The following EIF3G variants were observed in gnomAD, a reference collection of about 807,000 sequenced individuals.
EIF3G encodes eukaryotic translation initiation factor 3 subunit G, also known as eukaryotic translation initiation factor 3 RNA-binding subunit.
EIF3G carries 10 observed loss-of-function variants against 41.7 expected under a neutral mutation model. That is an observed-to-expected ratio of 0.24 (90% confidence interval 0.15 to 0.41). EIF3G has a LOEUF of 0.41. Among genes scored for constraint, EIF3G ranks in the 10% least tolerant of loss-of-function variants. The pLI is 1.00. For missense variants in EIF3G, 297 were observed against 444.0 expected (o/e 0.67, Z 2.98); for synonymous variants, 204 against 172.5 (o/e 1.18, Z -1.43).
rs541892591 is a variant in EIF3G, at chr19:10,116,555, A to G, written c.595+245T>C. 9.3e-4 allele frequency: 494 copies of G among 529,206 alleles called. 1 individual carries two copies. Among genetic ancestry groups the G allele is most frequent in the African/African-American group, 8.2e-3 (437 of 53,006 alleles). The allele number at this position is 529,206 out of a possible 1,614,324, so 32.8% of individuals were successfully genotyped here. A position where few individuals can be genotyped will look rare whatever the true frequency, so the allele number is the denominator to read the frequency against. ...TGGGGTGGTCAGCACCCTGGGGCCG[A>G]CAGACAGCAGCTCATCAGGACAGTC... is the stretch of plus-strand genomic sequence containing the variant. On this transcript the variant is annotated intron_variant, in intron 7 of 10. Transcript: ENST00000253108. This position sits in a 1 kb window ranked among gnomAD's most constrained non-coding sequence, Gnocchi z 4.1.
chr19:10,119,576 G>A (rs1435241790), intron 2 of EIF3G, 78 bp downstream of exon 2: 1 of 1,510,534 alleles, frequency 6.6e-7, no homozygotes, highest in South Asian at 1.3e-5. Context: ...CACGGTGCCA[G>A]ACTGGGAGAT....
In EIF3G at chr19:10,117,090, G is replaced by C; in HGVS notation, c.399C>G (p.Ser133Arg). Residue 133 changes from serine (S) to arginine (R), a missense_variant, in exon 6 of 11, where the codon AGC becomes AGG. Coordinates refer to ENST00000253108, the MANE Select transcript of EIF3G (RefSeq NM_003755.5). ...SDDVSMTFIT[S>R]KEDLNCQEEE... ...ACCTGATTGCCCCGCTTACCTCTTT[G>C]CTGGTGATGAACGTCATAGAGACAT... 6.2e-7 allele frequency: 1 copy of C among 1,613,396 alleles called. No individual in the cohort carries two copies. Among genetic ancestry groups the C allele is most frequent in the South Asian group, 1.1e-5 (1 of 91,006 alleles).
At chr19:10,118,991 C>T (rs746901060) in intron 3 of EIF3G, 35 bp from the exon 4 acceptor site, 2 of 1,613,752 alleles carry the variant, frequency 1.2e-6, no homozygotes, top group African/African-American at 1.3e-5. Context: ...AAGACTGAGC[C>T]CTGGGTCATG....
At position 10,116,549 on chromosome 19, in the gene EIF3G, G is replaced by A. The variant is rs1244319609; in HGVS notation, c.595+251C>T. On this transcript the variant is annotated intron_variant, in intron 7 of 10. Coordinates refer to ENST00000253108, the MANE Select transcript of EIF3G (RefSeq NM_003755.5). This position sits in a 1 kb window ranked among gnomAD's most constrained non-coding sequence, Gnocchi z 4.1. ...ACGATGTGGGGTGGTCAGCACCCTG[G>A]GGCCGACAGACAGCAGCTCATCAGG... is the stretch of plus-strand genomic sequence containing the variant. 1.5e-5 allele frequency: 8 copies of A among 522,686 alleles called. No homozygotes were observed. Among genetic ancestry groups the A allele is most frequent in the African/African-American group, 1.5e-4 (8 of 52,748 alleles). The allele number at this position is 522,686 out of a possible 1,614,324, so 32.4% of individuals were successfully genotyped here. A position where few individuals can be genotyped will look rare whatever the true frequency, so the allele number is the denominator to read the frequency against.
chr19:10,118,051 C>G (rs2089274356), intron 5 of EIF3G: 1 of 152,400 alleles, frequency 6.6e-6, no homozygotes, highest in African/African-American at 2.4e-5. Context: ...GACACTGTGT[C>G]TTTAAAAAAA....
chr19:10,118,034 A>G (rs899387540), intron 5 of EIF3G: 2 of 152,536 alleles, frequency 1.3e-5, no homozygotes, highest in South Asian at 4.1e-4. Flanking sequence ...CCTGGGCAAC[A>G]GAACTGGACA....
chr19:10,115,274 G>A (rs2089221873), intron 10 of EIF3G, 145 bp from the exon 11 acceptor site: 2 of 1,208,074 alleles, frequency 1.7e-6, no homozygotes, highest in Admixed American at 2.5e-5. Flanking sequence ...CCAGTCTCCA[G>A]GCCTGGTCCA....
chr19:10,115,018 G>A lies in EIF3G; in HGVS notation c.*96C>T, dbSNP rs1168667766. 1.3e-6 allele frequency: 2 copies of A among 1,563,812 alleles called. No homozygotes were observed. The highest frequency in any genetic ancestry group is 1.7e-6 in the Non-Finnish European group (2 of 1,144,436). ...GCAAGAACAAAAAGAACCAAGTAGA[G>A]AGAGTGGAGCTGCTTTATTGCCCTT... On this transcript the variant is annotated 3_prime_UTR_variant, in exon 11 of 11. Transcript: ENST00000253108.
At position 10,115,054 on chromosome 19, in the gene EIF3G, C is replaced by A. The variant is rs1804973; in HGVS notation, c.*60G>T. Reference sequence around the variant, plus strand: ...TGCTTTATTGCCCTTGGAGCCCGCGCTCTCGGAGGCTGTCTTCTGTCGCCA... The same window carrying A: ...TGCTTTATTGCCCTTGGAGCCCGCGATCTCGGAGGCTGTCTTCTGTCGCCA... On this transcript the variant is annotated 3_prime_UTR_variant, in exon 11 of 11. Transcript: ENST00000253108. The A allele has an allele frequency of 1.8e-4, 290 of 1,610,022 alleles. 12 individuals are homozygous for A. The South Asian group carries it at 3.1e-3, about 17-fold the overall frequency.
At chr19:10,117,521 A>G (rs941189570) in intron 5 of EIF3G, 1 of 271,936 alleles carries the variant, frequency 3.7e-6, no homozygotes, top group Non-Finnish European at 6.9e-6. Context: ...CCCTTGAGCT[A>G]GACAACCTGA....
rs746781564 is a variant in EIF3G, at chr19:10,115,690, T to C, written c.834A>G (p.Gln278=). The part of the protein sequence containing the change: ...IYLAKDKTTG[Q]SKGFAFISFH... ...TGCCTGCCTGCCTGCCCACCTTGGA[T>C]TGGCCAGTGGTCTTGTCCTTAGCCA... The change falls in exon 9 of 11, where the codon CAA becomes CAG. Residue 278 remains glutamine (Q), a synonymous_variant. Transcript: ENST00000253108. The C allele has an allele frequency of 1.9e-6, 3 of 1,614,156 alleles. No homozygotes were observed. The highest frequency in any genetic ancestry group is 1.7e-4 in the Middle Eastern group (1 of 6,060).
At position 10,116,716 on chromosome 19, in the gene EIF3G, A is replaced by G; in HGVS notation, c.595+84T>C. On this transcript the variant is annotated intron_variant, in intron 7 of 10. Transcript: ENST00000253108. The surrounding 1 kb of genome is among the most constrained non-coding windows in gnomAD (Gnocchi z 4.1). Reference sequence around the variant, plus strand: ...AGTCTGGCACCATCAAACCCGCTGCACTGTCGTGCGGGAGATGACAGCACG... The same window carrying G: ...AGTCTGGCACCATCAAACCCGCTGCGCTGTCGTGCGGGAGATGACAGCACG... 4 of 1,375,358 alleles carry G rather than the reference A, an allele frequency of 2.9e-6. No homozygotes were observed. Among genetic ancestry groups the G allele is most frequent in the Non-Finnish European group, 3.9e-6 (4 of 1,017,992 alleles). The allele number at this position is 1,375,358 out of a possible 1,614,324, so 85.2% of individuals were successfully genotyped here.
In EIF3G at chr19:10,115,828, GGA is replaced by G. The variant is rs2145226328; in HGVS notation, c.704-10_704-9del. The G allele has an allele frequency of 1.2e-6, 2 of 1,611,146 alleles. No homozygotes were observed. Among genetic ancestry groups the G allele is most frequent in the Admixed American group, 1.7e-5 (1 of 60,014 alleles). ...TGGTGGCGTTGTCGTCGGCTGTGTGGGAGAGGGGAGGTGGCTGTGAGGGGGAG... is the reference window on the plus strand; with the variant it reads ...TGGTGGCGTTGTCGTCGGCTGTGTGGGAGGGGAGGTGGCTGTGAGGGGGAG... On this transcript the variant is annotated splice_polypyrimidine_tract_variant and intron_variant, in intron 8 of 10. Coordinates refer to ENST00000253108, the MANE Select transcript of EIF3G (RefSeq NM_003755.5).
At chr19:10,115,611 G>C in intron 9 of EIF3G, 26 bp from the exon 10 acceptor site, 3 of 1,611,674 alleles carry the variant, frequency 1.9e-6, no homozygotes, top group Non-Finnish European at 2.5e-6. Flanking sequence ...ATGGGGTCGG[G>C]CACGAGCTAG....
At chr19:10,117,252 GC>G in intron 5 of EIF3G, 64 bp from the exon 6 acceptor site, 1 of 1,258,506 alleles carries the variant, frequency 7.9e-7, no homozygotes, top group Non-Finnish European at 1.1e-6. Flanking sequence ...ACAGTGGGGT[GC>G]CCTAGACCTA....
In EIF3G at chr19:10,119,077, TCCTCACTCACCTCCCGGC is replaced by T. The variant is rs759104642; in HGVS notation, c.144_151+10del. Reference sequence around the variant, plus strand: ...GCAGTCCTCACTCACCTCCCGGCAGTCCTCACTCACCTCCCGGCAGTAGCTCTGGCTCTGGGCTGGTGT... The same window carrying T: ...GCAGTCCTCACTCACCTCCCGGCAGTAGTAGCTCTGGCTCTGGGCTGGTGT... On this transcript the variant is annotated splice_donor_variant and splice_donor_5th_base_variant and coding_sequence_variant and intron_variant, in exon 3 of 11. Coordinates refer to ENST00000253108, the MANE Select transcript of EIF3G (RefSeq NM_003755.5). LOFTEE classifies it high-confidence loss of function. 12 of 1,590,708 alleles carry T rather than the reference TCCTCACTCACCTCCCGGC, an allele frequency of 7.5e-6. No homozygotes were observed. Among genetic ancestry groups the T allele is most frequent in the Non-Finnish European group, 8.6e-6 (10 of 1,167,526 alleles).
rs1440200016 is a variant in EIF3G at position 10,115,811 on chromosome 19, T to C, written c.713A>G (p.Asn238Ser). 2 of 1,612,680 alleles carry C rather than the reference T, an allele frequency of 1.2e-6. No homozygotes were observed. The highest frequency in any genetic ancestry group is 1.7e-6 in the Non-Finnish European group (2 of 1,179,908). The change falls in exon 9 of 11, where the codon AAC becomes AGC. Residue 238 changes from asparagine to serine, a missense_variant. This residue lies in a region of EIF3G where 91 missense variants were observed against 170.5 expected (regional missense o/e 0.53). Transcript: ENST00000253108. ...SMQPNRRADD[N>S]ATIRVTNLSE... The stretch of plus-strand genomic sequence containing the variant: ...CAAGTTGGTGACACGGATGGTGGCG[T>C]TGTCGTCGGCTGTGTGGGAGAGGGG...
At position 10,115,130 on chromosome 19, in the gene EIF3G, C is replaced by CTGGGG; in HGVS notation, c.948-6_948-2dup. On this transcript the variant is annotated splice_acceptor_variant, in intron 10 of 10. Transcript: ENST00000253108. LOFTEE classifies it high-confidence loss of function. The stretch of plus-strand genomic sequence containing the variant: ...GCAGCTGGCTTAGTTGGTGGACGGC[C>CTGGGG]TGGGGTAGGGGAGGGTGGCAGGTAT... 6.2e-7 allele frequency: 1 copy of CTGGGG among 1,613,948 alleles called. No individual in the cohort carries two copies. The highest frequency in any genetic ancestry group is 8.5e-7 in the Non-Finnish European group (1 of 1,179,996).
At position 10,115,955 on chromosome 19, in the gene EIF3G, G is replaced by A. The variant is rs1303752217; in HGVS notation, c.703+12C>T. The A allele has an allele frequency of 1.9e-6, 3 of 1,611,500 alleles. No individual in the cohort carries two copies. Among genetic ancestry groups the A allele is most frequent in the Non-Finnish European group, 2.5e-6 (3 of 1,178,706 alleles). On this transcript the variant is annotated intron_variant, in intron 8 of 10. Coordinates refer to ENST00000253108, the MANE Select transcript of EIF3G (RefSeq NM_003755.5). ...TGCCCACCCACCAGCCTGGCGTCGG[G>A]GTGCCCCTCACCTCTGCGGTTGGGC...
Sources: gnomAD v4.1 joint callset for allele counts on GRCh38, gnomAD v4.1.1 for gene constraint, gnomAD v4.1.1 regional missense constraint, Gnocchi (gnomAD v3.1) non-coding constraint, MANE v1.5 for transcripts, NCBI Gene and HGNC (gene_info 2026-07-23, HGNC 2026-07-21) for gene names.